Variants in DPP9 observed in about 807,000 individuals in gnomAD.
The protein encoded by DPP9 is dipeptidyl peptidase IV-related protein-2.
A neutral mutation model predicts 110.7 loss-of-function variants in DPP9; 50 were observed. That is an observed-to-expected ratio of 0.45 (90% CI 0.36 to 0.57). DPP9 has a LOEUF of 0.57. Ranked by LOEUF, DPP9 falls within the 20% of genes least tolerant of loss-of-function variation. The pLI is 0.00. For synonymous variants in DPP9, 561 were observed against 514.4 expected (o/e 1.09, Z -1.23); for missense variants, 1,022 against 1,217.9 (o/e 0.84, Z 2.39).
intron 13 of DPP9, among the ~76,000 whole-genome samples, chr19:4,692,156 C>A (rs1023105229): frequency 2.0e-5 from 3 of 152,052 alleles, no homozygotes; most frequent in Non-Finnish European, 4.4e-5. Flanking sequence ...GGGCTAGAGA[C>A]CAAGGCTCTG....
chr19:4,685,334 A>G lies in DPP9; in HGVS notation c.2031+292T>C, dbSNP rs756600977. On this transcript the variant is annotated intron_variant, in intron 17 of 21. Transcript: ENST00000262960. The surrounding 1 kb of genome is among the most constrained non-coding windows in gnomAD (Gnocchi z 5.8). ...GCCCAGGGCCCATGGCCACCTCCATACCAACCTGGAGACTAGGGGACTTCC... is the reference window on the plus strand; with the variant it reads ...GCCCAGGGCCCATGGCCACCTCCATGCCAACCTGGAGACTAGGGGACTTCC... 1 of 596,174 alleles carries G rather than the reference A, an allele frequency of 1.7e-6. No individual in the cohort carries two copies. Among genetic ancestry groups the G allele is most frequent in the Non-Finnish European group, 3.2e-6 (1 of 317,210 alleles). 36.9% of individuals were successfully genotyped at this position (596,174 alleles called of 1,614,324 possible).
At chr19:4,703,514 T>G (rs1599921731) in intron 7 of DPP9, among the ~76,000 whole-genome samples, 1 of 148,668 alleles carries the variant, frequency 6.7e-6, no homozygotes, top group South Asian at 2.1e-4. Flanking sequence ...CGGGCACCTG[T>G]AATCCCAGCT....
At chr19:4,706,045 GC>G in intron 4 of DPP9, 75 bp from the exon 5 acceptor site, 2 of 1,337,672 alleles carry the variant, frequency 1.5e-6, no homozygotes, top group Non-Finnish European at 2.1e-6. Context: ...CTGCAGCTGG[GC>G]CCAGCTGGTT....
chr19:4,717,301 C>T (rs755191983), intron 3 of DPP9, among the ~76,000 whole-genome samples: 51 of 152,196 alleles, frequency 3.4e-4, no homozygotes, highest in Non-Finnish European at 7.2e-4. Flanking sequence ...AGGTCCCCTC[C>T]AGGGCAGTGG....
In DPP9 at chr19:4,694,578, G is replaced by A. The variant is rs1284658650; in HGVS notation, c.1516+83C>T. The A allele has an allele frequency of 6.6e-7, 1 of 1,507,148 alleles. No individual in the cohort carries two copies. The highest frequency in any genetic ancestry group is 9.0e-7 in the Non-Finnish European group (1 of 1,117,010). 93.4% of individuals were successfully genotyped at this position (1,507,148 alleles called of 1,614,324 possible). A position where few individuals can be genotyped will look rare whatever the true frequency, so the allele number is the denominator to read the frequency against. On this transcript the variant is annotated intron_variant, in intron 13 of 21. Coordinates refer to ENST00000262960, the MANE Select transcript of DPP9 (RefSeq NM_139159.5). This position sits in a 1 kb window ranked among gnomAD's most constrained non-coding sequence, Gnocchi z 4.0. ...CCGCAGGGTGTGCTGGCTGAGTGGG[G>A]GGGCCGACCAATGAACAAACAGCAT...
chr19:4,703,435 GC>G (rs2092406423), intron 7 of DPP9, among the ~76,000 whole-genome samples: 1 of 149,622 alleles, frequency 6.7e-6, no homozygotes, highest in Admixed American at 6.7e-5. Context: ...GAGCAGCCTG[GC>G]CAACATGGGG....
chr19:4,686,905 A>C (rs1354701907), intron 16 of DPP9, among the ~76,000 whole-genome samples: 2 of 152,174 alleles, frequency 1.3e-5, no homozygotes, highest in African/African-American at 4.8e-5. Context: ...CGGTAGCGCT[A>C]ATGTGGCCAC....
At chr19:4,705,756 C>G (rs2092551001) in intron 5 of DPP9, 102 bp downstream of exon 5, 2 of 1,128,078 alleles carry the variant, frequency 1.8e-6, no homozygotes, top group African/African-American at 3.1e-5. Flanking sequence ...GAACTCACAG[C>G]CGGTGGGGCA....
intron 4 of DPP9, among the ~76,000 whole-genome samples, chr19:4,713,861 C>T (rs1256150998): frequency 6.6e-6 from 1 of 152,130 alleles, no homozygotes; most frequent in Admixed American, 6.5e-5. Flanking sequence ...TGCATGGCTC[C>T]CTGCACGGCT....
At chr19:4,683,124 C>T (rs910404295) in intron 19 of DPP9, 15 of 1,471,550 alleles carry the variant, frequency 1.0e-5, no homozygotes, top group African/African-American at 4.3e-5. Flanking sequence ...TCATCGCCGC[C>T]GCCCCGCAGT....
chr19:4,723,237 G>A (rs1305842845), intron 1 of DPP9, among the ~76,000 whole-genome samples: 1 of 152,212 alleles, frequency 6.6e-6, no homozygotes, highest in African/African-American at 2.4e-5. Context: ...GTCGAGGGAG[G>A]TGGCCTCTGT....
intron 13 of DPP9, among the ~76,000 whole-genome samples, chr19:4,691,375 T>C (rs887013159): frequency 6.6e-5 from 10 of 150,694 alleles, no homozygotes; most frequent in Admixed American, 2.6e-4. Context: ...ACTTGGGAGA[T>C]TGAGCTGGGA....
Position 4,714,411 on chromosome 19 carries a change from C to T in DPP9, c.57-74G>A, listed in dbSNP as rs997923932. 63 of 1,434,634 alleles carry T rather than the reference C, an allele frequency of 4.4e-5. No homozygotes were observed. The Middle Eastern group carries it at 7.3e-4, about 17-fold the overall frequency. 88.9% of individuals were successfully genotyped at this position (1,434,634 alleles called of 1,614,324 possible). ...CGAGCTGCCCCAATGCTGCCCCTTG[C>T]GAGGCACTCAGGTTCTTCCAGACGA... On this transcript the variant is annotated intron_variant, in intron 3 of 21. Coordinates refer to ENST00000262960, the MANE Select transcript of DPP9 (RefSeq NM_139159.5).
In DPP9 at chr19:4,723,740, C is replaced by G. The variant is rs537760156; in HGVS notation, c.-155G>C. The G allele has an allele frequency of 1.3e-5, 2 of 154,350 alleles. No individual in the cohort carries two copies. Among genetic ancestry groups the G allele is most frequent in the South Asian group, 3.9e-4 (2 of 5,088 alleles). The allele number at this position is 154,350 out of a possible 1,614,324, so 9.6% of individuals were successfully genotyped here. A position where few individuals can be genotyped will look rare whatever the true frequency, so the allele number is the denominator to read the frequency against. ...GTCCAGCGGCGCCTCACGGTCGCGG[C>G]TCCATGCCCGGGACTGCGACCCCGG... On this transcript the variant is annotated 5_prime_UTR_variant, in exon 1 of 22. Transcript: ENST00000262960.
intron 13 of DPP9, among the ~76,000 whole-genome samples, chr19:4,691,693 T>TG (rs1478060940): frequency 2.0e-5 from 3 of 148,546 alleles, no homozygotes; most frequent in Non-Finnish European, 4.5e-5. Flanking sequence ...TTTTTTTTTT[T>TG]GAAGACGGAG....
At position 4,682,407 on chromosome 19, in the gene DPP9, TCGAATTCCCTCA is replaced by T. The variant is rs1389858246; in HGVS notation, c.2474+277_2474+288del. On this transcript the variant is annotated intron_variant, in intron 20 of 21. Transcript: ENST00000262960. This position sits in a 1 kb window ranked among gnomAD's most constrained non-coding sequence, Gnocchi z 7.1. ...AGGCTTGCCTGTGAAAAGCAGTGAC[TCGAATTCCCTCA>T]TCTTTCCCAGGGCAGGGCTGTGAGC... Among the ~76,000 whole-genome samples the T allele has an allele frequency of 6.6e-6, 1 of 152,144 alleles. No homozygotes were observed. The highest frequency in any genetic ancestry group is 1.5e-5 in the Non-Finnish European group (1 of 68,010).
chr19:4,696,879 G>C (rs1459901492), intron 11 of DPP9, among the ~76,000 whole-genome samples: 1 of 152,318 alleles, frequency 6.6e-6, no homozygotes, highest in East Asian at 1.9e-4. Flanking sequence ...AATGCAATTA[G>C]AAAAGTGAAC....
chr19:4,691,042 C>G, intron 13 of DPP9, 85 bp from the exon 14 acceptor site: 1 of 1,025,598 alleles, frequency 9.8e-7, no homozygotes, highest in Non-Finnish European at 1.5e-6. Context: ...TCCACCCGAG[C>G]AGACTCACCA....
chr19:4,715,019 C>CTTTTTT (rs59314200), intron 3 of DPP9, among the ~76,000 whole-genome samples: 3 of 68,608 alleles, frequency 4.4e-5, no homozygotes, highest in African/African-American at 6.1e-5. Flanking sequence ...TATATATATA[C>CTTTTTT]TTTTTTTTTT....
Sources: gnomAD v4.1 joint callset for allele counts (sites outside exome capture counted in the v4.1 genomes callset) on GRCh38, gnomAD v4.1.1 for gene constraint, Gnocchi (gnomAD v3.1) non-coding constraint, MANE v1.5 for transcripts, NCBI Gene and HGNC (gene_info 2026-07-23, HGNC 2026-07-21) for gene names.